FARP1: variants seen among roughly 807,000 people sequenced by gnomAD.
FARP1 encodes the protein FERM, ARHGEF and pleckstrin domain-containing protein 1.
In FARP1, 52 loss-of-function variants were observed where a neutral mutation model predicts 128.8. That is an observed-to-expected ratio of 0.40 (90% confidence interval 0.32 to 0.51). The LOEUF is 0.51. Among genes scored for constraint, FARP1 ranks in the 20% least tolerant of loss-of-function variants. The pLI is 0.45. For missense variants in FARP1, 1,333 were observed against 1,367.9 expected (o/e 0.97, Z 0.40); for synonymous variants, 580 against 551.8 (o/e 1.05, Z -0.72).
At chr13:98,284,892 G>C (rs1290265279) in intron 2 of FARP1, among the ~76,000 whole-genome samples, 4 of 152,136 alleles carry the variant, frequency 2.6e-5, no homozygotes, top group African/African-American at 9.7e-5. Flanking sequence ...CTAGTTCTCT[G>C]TGTACGCATT....
chr13:98,417,183 T>C (rs1269583484), intron 16 of FARP1, among the ~76,000 whole-genome samples: 1 of 151,968 alleles, frequency 6.6e-6, no homozygotes, highest in African/African-American at 2.4e-5. Flanking sequence ...ATGAGCTTGC[T>C]TTGGGAATGA....
At chr13:98,274,553 G>A (rs1436527744) in intron 2 of FARP1, among the ~76,000 whole-genome samples, 1 of 152,006 alleles carries the variant, frequency 6.6e-6, no homozygotes, top group Non-Finnish European at 1.5e-5. Flanking sequence ...TTTGAAACCT[G>A]AGCTTTTAGG....
At chr13:98,280,276 C>G (rs1002951350) in intron 2 of FARP1, among the ~76,000 whole-genome samples, 5 of 152,224 alleles carry the variant, frequency 3.3e-5, no homozygotes, top group Admixed American at 2.6e-4. Flanking sequence ...TGCCCTCCCC[C>G]TCCACACCCA....
chr13:98,211,442 A>G (rs189127410), intron 1 of FARP1, among the ~76,000 whole-genome samples: 1 of 146,756 alleles, frequency 6.8e-6, no homozygotes, highest in African/African-American at 2.4e-5. Flanking sequence ...CATTGCCTCT[A>G]CTTTGTCTGT....
intron 1 of FARP1, among the ~76,000 whole-genome samples, chr13:98,185,879 G>A (rs1878830276): frequency 1.3e-5 from 2 of 151,836 alleles, no homozygotes; most frequent in Admixed American, 6.6e-5. Context: ...TGTAATTTTA[G>A]TAGAGACAGG....
At chr13:98,227,332 T>A (rs1881854190) in intron 2 of FARP1, among the ~76,000 whole-genome samples, 1 of 152,098 alleles carries the variant, frequency 6.6e-6, no homozygotes, top group East Asian at 1.9e-4. Flanking sequence ...TCTTCACCAT[T>A]ATCCTAGCAT....
At chr13:98,154,933 T>C (rs1876392956) in intron 1 of FARP1, among the ~76,000 whole-genome samples, 2 of 152,210 alleles carry the variant, frequency 1.3e-5, no homozygotes, top group Admixed American at 6.5e-5. Flanking sequence ...AGCTAGGAGC[T>C]GGGCATGGTG....
chr13:98,411,546 A>G (rs1325158781), intron 15 of FARP1, among the ~76,000 whole-genome samples: 1 of 152,222 alleles, frequency 6.6e-6, no homozygotes, highest in Non-Finnish European at 1.5e-5. Context: ...TTCTTAAAGG[A>G]ATGAAGCACA....
At chr13:98,244,378 A>G (rs1882943642) in intron 2 of FARP1, 2 of 854,992 alleles carry the variant, frequency 2.3e-6, no homozygotes, top group South Asian at 3.6e-5. Flanking sequence ...GGTAATAAAC[A>G]TATCCATCAC....
At chr13:98,206,723 C>T (rs1880294254) in intron 1 of FARP1, among the ~76,000 whole-genome samples, 1 of 152,166 alleles carries the variant, frequency 6.6e-6, no homozygotes, top group East Asian at 1.9e-4. Flanking sequence ...TACCTTTTCT[C>T]TGGCGGTTAA....
At chr13:98,430,428 C>T (rs1412007825) in intron 17 of FARP1, among the ~76,000 whole-genome samples, 1 of 152,206 alleles carries the variant, frequency 6.6e-6, no homozygotes, top group Non-Finnish European at 1.5e-5. Context: ...GGAGTCCTCC[C>T]TCCCACCCAG....
rs951527483 is a variant in FARP1 at position 98,150,692 on chromosome 13, G to C, written c.-24+7200G>C. 8.5e-5 allele frequency among the ~76,000 whole-genome samples: 13 copies of C among 152,104 alleles called. 1 individual carries two copies. Among genetic ancestry groups the C allele is most frequent in the Non-Finnish European group, 1.5e-5 (1 of 68,024 alleles). On this transcript the variant is annotated intron_variant, in intron 1 of 26. Coordinates refer to ENST00000319562, the MANE Select transcript of FARP1 (RefSeq NM_005766.4). ...CATATTGCTCCTTTCAAGAGATCAGGCTCCATTTACTGGATGGCGATGGAA... is the reference window on the plus strand; with the variant it reads ...CATATTGCTCCTTTCAAGAGATCAGCCTCCATTTACTGGATGGCGATGGAA...
In FARP1 at chr13:98,426,523, C is replaced by T. The variant is rs1026663075; in HGVS notation, c.1905+1873C>T. On this transcript the variant is annotated intron_variant, in intron 17 of 26. Transcript: ENST00000319562. ...ATAATAAATAAGCAAAGATGAATCT[C>T]GTGAGGGAGAGACAAGAGGAGGATG... 5.3e-5 allele frequency among the ~76,000 whole-genome samples: 8 copies of T among 151,994 alleles called. 1 individual carries two copies. Among genetic ancestry groups the T allele is most frequent in the Admixed American group, 1.3e-4 (2 of 15,252 alleles).
chr13:98,257,410 TCTC>T (rs1883664159), intron 2 of FARP1, among the ~76,000 whole-genome samples: 1 of 152,104 alleles, frequency 6.6e-6, no homozygotes, highest in African/African-American at 2.4e-5. Context: ...TTTGTTACCT[TCTC>T]CTCATTCTGT....
intron 2 of FARP1, among the ~76,000 whole-genome samples, chr13:98,308,562 G>C (rs1886298308): frequency 6.6e-6 from 1 of 152,204 alleles, no homozygotes; most frequent in South Asian, 2.1e-4. Context: ...ACTAGAGTGT[G>C]CTGGATTTGC....
chr13:98,163,085 T>C (rs1174076218), intron 1 of FARP1, among the ~76,000 whole-genome samples: 3 of 152,088 alleles, frequency 2.0e-5, no homozygotes, highest in African/African-American at 4.8e-5. Flanking sequence ...TTCCCATCAA[T>C]GACAGATTGA....
intron 1 of FARP1, among the ~76,000 whole-genome samples, chr13:98,151,973 C>T (rs1272128339): frequency 6.6e-6 from 1 of 152,156 alleles, no homozygotes; most frequent in Non-Finnish European, 1.5e-5. Flanking sequence ...TATCTTCCAT[C>T]TTTGACATTG....
intron 17 of FARP1, 59 bp downstream of exon 17, chr13:98,424,709 C>A: frequency 1.7e-6 from 2 of 1,197,190 alleles, no homozygotes; most frequent in Non-Finnish European, 2.5e-6. Flanking sequence ...AGCGGGGCTG[C>A]CATGGGCATA....
intron 6 of FARP1, among the ~76,000 whole-genome samples, chr13:98,381,982 G>A (rs539732229): frequency 1.3e-5 from 2 of 152,020 alleles, no homozygotes; most frequent in African/African-American, 4.8e-5. Flanking sequence ...GTGAGACCTC[G>A]TCTGTACAAA....
Sources: gnomAD v4.1 joint callset for allele counts (sites outside exome capture counted in the v4.1 genomes callset) on GRCh38, gnomAD v4.1.1 for gene constraint, MANE v1.5 for transcripts, NCBI Gene and HGNC (gene_info 2026-07-23, HGNC 2026-07-21) for gene names.